RASGRF2: variants seen among roughly 807,000 people sequenced by gnomAD.
The protein encoded by RASGRF2 is Ras protein specific guanine nucleotide releasing factor 2.
RASGRF2 carries 76 observed loss-of-function variants against 151.0 expected under a neutral mutation model. The observed-to-expected ratio is 0.50, with a 90% CI of 0.42 to 0.61. RASGRF2 has a LOEUF of 0.61. Ranked by LOEUF, RASGRF2 falls within the 20% of genes least tolerant of loss-of-function variation. The pLI is 0.00. For missense variants in RASGRF2, 1,148 were observed against 1,564.6 expected (o/e 0.73, Z 4.49); for synonymous variants, 504 against 566.5 (o/e 0.89, Z 1.57).
intron 17 of RASGRF2, among the ~76,000 whole-genome samples, chr5:81,156,816 C>A (rs1272752301): frequency 1.3e-5 from 2 of 152,040 alleles, no homozygotes; most frequent in African/African-American, 4.8e-5. Context: ...GCTGGAGTAT[C>A]TTTAAAATGC....
chr5:81,002,570 G>A (rs1749113999), intron 1 of RASGRF2, among the ~76,000 whole-genome samples: 1 of 152,086 alleles, frequency 6.6e-6, no homozygotes, highest in Non-Finnish European at 1.5e-5. Flanking sequence ...TTACTACTGG[G>A]TAAATGCATC....
At chr5:81,096,248 C>T (rs1254248547) in intron 12 of RASGRF2, 1 of 152,116 alleles carries the variant, frequency 6.6e-6, no homozygotes, top group Admixed American at 6.5e-5. Context: ...GACTTGCATC[C>T]TTGTGGTGAT....
intron 17 of RASGRF2, among the ~76,000 whole-genome samples, chr5:81,165,388 G>A (rs1193571251): frequency 6.6e-5 from 10 of 152,162 alleles, no homozygotes; most frequent in Non-Finnish European, 1.3e-4. Context: ...CAGTTGGACC[G>A]AGTCCCTACC....
chr5:80,980,299 A>G (rs143998666), intron 1 of RASGRF2, among the ~76,000 whole-genome samples: 9 of 152,168 alleles, frequency 5.9e-5, no homozygotes, highest in African/African-American at 2.2e-4. Context: ...ATGGCTTTCC[A>G]TGTGGCTTTT....
At chr5:81,211,232 T>C (rs1755624774) in intron 22 of RASGRF2, among the ~76,000 whole-genome samples, 1 of 151,910 alleles carries the variant, frequency 6.6e-6, no homozygotes, top group Non-Finnish European at 1.5e-5. Context: ...ATGCTGCCTG[T>C]GTATTCCCAA....
intron 12 of RASGRF2, among the ~76,000 whole-genome samples, chr5:81,098,098 G>T (rs1418030143): frequency 1.3e-5 from 2 of 152,170 alleles, no homozygotes; most frequent in Non-Finnish European, 2.9e-5. Flanking sequence ...TCTGAGCCTG[G>T]ATTCATTTTG....
intron 5 of RASGRF2, among the ~76,000 whole-genome samples, chr5:81,078,491 T>G (rs1260372203): frequency 6.6e-6 from 1 of 152,224 alleles, no homozygotes; most frequent in Admixed American, 6.5e-5. Context: ...AGTGAGAACA[T>G]GTGATACTTG....
chr5:81,142,810 A>T (rs989674767), intron 17 of RASGRF2, among the ~76,000 whole-genome samples: 1 of 152,164 alleles, frequency 6.6e-6, no homozygotes, highest in Non-Finnish European at 1.5e-5. Flanking sequence ...GATGCAGGGC[A>T]TCTAACCAAG....
chr5:81,128,774 T>G (rs1377566577), intron 17 of RASGRF2, among the ~76,000 whole-genome samples: 2 of 152,206 alleles, frequency 1.3e-5, no homozygotes, highest in African/African-American at 4.8e-5. Flanking sequence ...TTTTAATAGA[T>G]AAAAATTATA....
intron 1 of RASGRF2, among the ~76,000 whole-genome samples, chr5:81,029,571 C>A (rs1047666244): frequency 1.3e-5 from 2 of 152,216 alleles, no homozygotes; most frequent in African/African-American, 4.8e-5. Context: ...CTCCAACATA[C>A]CTGCAGCTGA....
rs188965787 is a variant in RASGRF2, at chr5:81,037,301, T to C, written c.289-5576T>C. Among the ~76,000 whole-genome samples the C allele has an allele frequency of 2.2e-3, 333 of 152,348 alleles. 2 individuals carry two copies. Among genetic ancestry groups the C allele is most frequent in the Admixed American group, 0.021 (319 of 15,294 alleles). The stretch of plus-strand genomic sequence containing the variant: ...TCAAACTGTTAAAAAATATGTATTC[T>C]GCCCTAATACTTGATTGGTAGTTTA... On this transcript the variant is annotated intron_variant, in intron 1 of 26. Transcript: ENST00000265080.
At chr5:81,005,916 A>C (rs1480804532) in intron 1 of RASGRF2, among the ~76,000 whole-genome samples, 1 of 152,154 alleles carries the variant, frequency 6.6e-6, no homozygotes. Context: ...CTGACTGGCC[A>C]TGTGTTTGGA....
chr5:81,169,731 C>T (rs1754599707), intron 17 of RASGRF2, among the ~76,000 whole-genome samples: 1 of 152,170 alleles, frequency 6.6e-6, no homozygotes, highest in South Asian at 2.1e-4. Flanking sequence ...GATTGATCAG[C>T]ACATCTTAGC....
Position 81,123,701 on chromosome 5 carries a change from A to C in RASGRF2, c.2530A>C (p.Thr844Pro). ...AGTGGAAAGCTCCCCTGCAGCGGAC[A>C]CCACAGAACTTTCACCTTGCAGATC... ...AGVESSPAADTTELSPCRSPS... is the reference protein window; with the variant it reads ...AGVESSPAADPTELSPCRSPS... The change falls in exon 16 of 27, where the codon ACC becomes CCC. Residue 844 changes from threonine to proline, a missense_variant. This residue lies in a region of RASGRF2 where 646 missense variants were observed against 807.4 expected (regional missense o/e 0.80). Coordinates refer to ENST00000265080, the MANE Select transcript of RASGRF2 (RefSeq NM_006909.3). 6.2e-7 allele frequency: 1 copy of C among 1,614,006 alleles called. No individual in the cohort carries two copies. The highest frequency in any genetic ancestry group is 8.5e-7 in the Non-Finnish European group (1 of 1,179,950).
rs1049390584 is a variant in RASGRF2, at chr5:80,977,837, T to A, written c.288+16811T>A. 2.0e-5 allele frequency among the ~76,000 whole-genome samples: 3 copies of A among 152,360 alleles called. No homozygotes were observed. The South Asian group carries it at 6.2e-4, about 32-fold the overall frequency. On this transcript the variant is annotated intron_variant, in intron 1 of 26. Coordinates refer to ENST00000265080, the MANE Select transcript of RASGRF2 (RefSeq NM_006909.3). Reference sequence around the variant, plus strand: ...TTTAAAGAGCAAATCATTTGAAAGTTTGGATGCTACAGATGTGTATTCTGT... The same window carrying A: ...TTTAAAGAGCAAATCATTTGAAAGTATGGATGCTACAGATGTGTATTCTGT...
At chr5:81,037,075 G>A (rs182710966) in intron 1 of RASGRF2, among the ~76,000 whole-genome samples, 1 of 152,210 alleles carries the variant, frequency 6.6e-6, no homozygotes, top group Admixed American at 6.5e-5. Context: ...CTTGTGCAAG[G>A]CAACTCCCAT....
At chr5:81,025,904 A>G (rs931955006) in intron 1 of RASGRF2, among the ~76,000 whole-genome samples, 2 of 151,918 alleles carry the variant, frequency 1.3e-5, no homozygotes, top group African/African-American at 2.4e-5. Context: ...ACCTGTTTGT[A>G]TGTTTTATTT....
At chr5:80,985,670 G>T (rs1403348900) in intron 1 of RASGRF2, among the ~76,000 whole-genome samples, 1 of 152,160 alleles carries the variant, frequency 6.6e-6, no homozygotes. Flanking sequence ...CTACAATTGT[G>T]ATCGCCAGTG....
intron 17 of RASGRF2, among the ~76,000 whole-genome samples, chr5:81,154,034 TC>T (rs1754199528): frequency 1.3e-5 from 2 of 151,128 alleles, no homozygotes; most frequent in South Asian, 2.1e-4. Flanking sequence ...AATATATGCA[TC>T]TAACAACAGA....
Sources: allele counts gnomAD v4.1 joint callset (sites outside exome capture counted in the v4.1 genomes callset), GRCh38; gene constraint gnomAD v4.1.1; regional missense constraint gnomAD v4.1.1; transcripts MANE v1.5; gene names NCBI Gene and HGNC (gene_info 2026-07-23, HGNC 2026-07-21).